TRIOBP: variants seen among roughly 807,000 people sequenced by gnomAD.
TRIOBP encodes TRIO and F-actin binding protein.
A neutral mutation model predicts 238.8 loss-of-function variants in TRIOBP; 169 were observed. That is an observed-to-expected ratio of 0.71 (90% confidence interval 0.62 to 0.80). The LOEUF (loss-of-function observed/expected upper bound fraction) is 0.80, where lower values mean the gene tolerates loss of function less well. Among genes scored for constraint, TRIOBP ranks in the 30% least tolerant of loss-of-function variants. The probability of loss-of-function intolerance (pLI) is 0.00; values close to 1 mark genes in which losing one functional copy is unlikely to be tolerated. For synonymous variants in TRIOBP, 1,150 were observed against 1,274.4 expected (o/e 0.90, Z 2.08); for missense variants, 2,838 against 3,122.6 (o/e 0.91, Z 2.17).
At chr22:37,714,295 T>C (rs1040319328) in intron 5 of TRIOBP, among the ~76,000 whole-genome samples, 1 of 152,174 alleles carries the variant, frequency 6.6e-6, no homozygotes, top group African/African-American at 2.4e-5. Context: ...CTAGGTCCGT[T>C]GAAGATGAGC....
chr22:37,765,240 A>C (rs931929175), intron 17 of TRIOBP, among the ~76,000 whole-genome samples: 1 of 152,208 alleles, frequency 6.6e-6, no homozygotes, highest in African/African-American at 2.4e-5. Flanking sequence ...AGATTGCTCC[A>C]CTGCACTCCA....
At chr22:37,699,089 C>T (rs759707241) in intron 2 of TRIOBP, among the ~76,000 whole-genome samples, 14 of 151,738 alleles carry the variant, frequency 9.2e-5, no homozygotes, top group Admixed American at 2.0e-4. Context: ...TGCAGTGAGC[C>T]GAGTGAGCCA....
chr22:37,736,114 G>A (rs919899824), intron 9 of TRIOBP, among the ~76,000 whole-genome samples: 2 of 152,112 alleles, frequency 1.3e-5, no homozygotes, highest in East Asian at 1.9e-4. Flanking sequence ...GCCCAGCGCC[G>A]GGCACACAGT....
In TRIOBP at chr22:37,710,420, G is replaced by A; in HGVS notation, c.115-7G>A. On this transcript the variant is annotated splice_region_variant and splice_polypyrimidine_tract_variant and intron_variant, in intron 3 of 23. Coordinates refer to ENST00000644935, the MANE Select transcript of TRIOBP (RefSeq NM_001039141.3). Reference sequence around the variant, plus strand: ...TGAGCTGTCTCCTCTCTCCAACCCTGGCCCAGGAGCTCAGGAGCCCTTCAG... The same window carrying A: ...TGAGCTGTCTCCTCTCTCCAACCCTAGCCCAGGAGCTCAGGAGCCCTTCAG... 1 of 1,613,304 alleles carries A rather than the reference G, an allele frequency of 6.2e-7. No homozygotes were observed. The highest frequency in any genetic ancestry group is 8.5e-7 in the Non-Finnish European group (1 of 1,179,992).
intron 7 of TRIOBP, among the ~76,000 whole-genome samples, chr22:37,732,068 G>C (rs554691086): frequency 6.6e-6 from 1 of 152,154 alleles, no homozygotes; most frequent in African/African-American, 2.4e-5. Flanking sequence ...TCAGTTCATC[G>C]ACCAAAGACA....
intron 11 of TRIOBP, among the ~76,000 whole-genome samples, chr22:37,742,258 T>C (rs1249633884): frequency 4.4e-5 from 3 of 67,706 alleles, no homozygotes; most frequent in Non-Finnish European, 6.6e-5. Flanking sequence ...ACGCCAGGCG[T>C]TTTTTTTTTT....
In TRIOBP at chr22:37,723,911, C is replaced by T. The variant is rs776400839; in HGVS notation, c.1355C>T (p.Thr452Ile). The change falls in exon 7 of 24, where the codon ACA (threonine) becomes ATA (isoleucine). Residue 452 changes from threonine to isoleucine, a missense_variant. By Grantham distance (89) the Thr-to-Ile change is moderately conservative (BLOSUM62 -1). Coordinates refer to ENST00000644935, the MANE Select transcript of TRIOBP (RefSeq NM_001039141.3). ...SPSRATRDNP[T>I]TSCAQRDNPR... ...AGTAGAGCTACACGAGACAACCCCA[C>T]AACATCCTGTGCCCAGCGGGACAAT... The T allele has an allele frequency of 1.2e-5, 17 of 1,433,244 alleles. No individual in the cohort carries two copies. The South Asian group carries it at 2.0e-4, about 17-fold the overall frequency. The allele number at this position is 1,433,244 out of a possible 1,614,324, so 88.8% of individuals were successfully genotyped here.
intron 7 of TRIOBP, among the ~76,000 whole-genome samples, chr22:37,728,639 C>T (rs905466317): frequency 6.6e-6 from 1 of 152,114 alleles, no homozygotes; most frequent in South Asian, 2.1e-4. Context: ...ACAGCCTCTC[C>T]CACTACCAAT....
chr22:37,745,923 C>T (rs1415764352), intron 11 of TRIOBP, among the ~76,000 whole-genome samples: 4 of 152,082 alleles, frequency 2.6e-5, no homozygotes, highest in African/African-American at 9.7e-5. Flanking sequence ...CCTCCGCCCC[C>T]GCGCCATTGC....
chr22:37,725,906 G>C lies in TRIOBP; in HGVS notation c.3350G>C (p.Arg1117Pro). ...CCTGCACCTGTGTGTATTGGGTACC[G>C]AGATGCACCCCGGGCCTCCTCCCCA... is the stretch of plus-strand genomic sequence containing the variant. ...QLPAPVCIGY[R>P]DAPRASSPPR... The change falls in exon 7 of 24, where the codon CGA becomes CCA. Residue 1117 changes from arginine to proline, a missense_variant. Around this residue, in one of 5 missense-constraint regions of TRIOBP, gnomAD observed 2,096 missense variants for 2,137.4 expected, o/e 0.98. Transcript: ENST00000644935. 6.2e-7 allele frequency: 1 copy of C among 1,612,990 alleles called. No homozygotes were observed. Among genetic ancestry groups the C allele is most frequent in the South Asian group, 1.1e-5 (1 of 91,022 alleles).
intron 9 of TRIOBP, among the ~76,000 whole-genome samples, chr22:37,737,308 A>G (rs571425419): frequency 5.3e-5 from 8 of 152,226 alleles, no homozygotes; most frequent in African/African-American, 1.9e-4. Flanking sequence ...TTCACAGATG[A>G]CAAAACGAGT....
chr22:37,757,131 G>T (rs376491283), intron 15 of TRIOBP, among the ~76,000 whole-genome samples: 25 of 152,166 alleles, frequency 1.6e-4, no homozygotes, highest in African/African-American at 5.8e-4. Context: ...GGAGGCTGAG[G>T]TGGGAGGAGC....
chr22:37,710,595 G>T (rs758178961), intron 4 of TRIOBP, 29 bp downstream of exon 4: 1 of 1,598,814 alleles, frequency 6.3e-7, no homozygotes, highest in East Asian at 2.2e-5. Flanking sequence ...CCCAGGAAGG[G>T]CTTCATGGGG....
chr22:37,758,837 A>G (rs527249798), intron 16 of TRIOBP, among the ~76,000 whole-genome samples: 1 of 152,250 alleles, frequency 6.6e-6, no homozygotes, highest in African/African-American at 2.4e-5. Flanking sequence ...CTGAGGCTCA[A>G]AGATGTTTCC....
chr22:37,759,400 A>G (rs1926122857), intron 17 of TRIOBP, 136 bp downstream of exon 17: 1 of 1,272,168 alleles, frequency 7.9e-7, no homozygotes, highest in Non-Finnish European at 1.2e-6. Flanking sequence ...GCGTCATCTC[A>G]TTTACTCTCC....
chr22:37,698,849 C>G (rs1922493984), intron 2 of TRIOBP, among the ~76,000 whole-genome samples: 2 of 151,686 alleles, frequency 1.3e-5, no homozygotes, highest in Admixed American at 1.3e-4. Flanking sequence ...CCCCACCTCC[C>G]CAAAAAAGAC....
intron 19 of TRIOBP, 150 bp downstream of exon 19, chr22:37,768,326 C>G: frequency 1.4e-6 from 1 of 719,894 alleles, no homozygotes. Context: ...GCAGAAGGTC[C>G]TCAGGCAGAC....
chr22:37,704,446 A>ACAGAACAGAACAGAACAG (rs1569031527), intron 3 of TRIOBP, among the ~76,000 whole-genome samples: 21 of 82,596 alleles, frequency 2.5e-4, no homozygotes, highest in Admixed American at 6.4e-4. Context: ...ACAGTACAGA[A>ACAGAACAGAACAGAACAG]AACAGGGAGA....
At position 37,775,199 on chromosome 22, in the gene TRIOBP, A is replaced by G. The variant is rs183719668; in HGVS notation, c.*1419A>G. On this transcript the variant is annotated 3_prime_UTR_variant, in exon 24 of 24. Coordinates refer to ENST00000644935, the MANE Select transcript of TRIOBP (RefSeq NM_001039141.3). ...GGAGACCCTGACCCAGCCTGCAGGT[A>G]GAAGACTGCCTTTGGAGGCAGCTTT... 2.6e-5 allele frequency: 4 copies of G among 152,344 alleles called. No individual in the cohort carries two copies. Among genetic ancestry groups the G allele is most frequent in the Admixed American group, 1.3e-4 (2 of 15,308 alleles). The allele number at this position is 152,344 out of a possible 1,614,324, so 9.4% of individuals were successfully genotyped here. A position where few individuals can be genotyped will look rare whatever the true frequency, so the allele number is the denominator to read the frequency against.
Sources: gnomAD v4.1 joint callset for allele counts (sites outside exome capture counted in the v4.1 genomes callset) on GRCh38, gnomAD v4.1.1 for gene constraint, gnomAD v4.1.1 regional missense constraint, MANE v1.5 for transcripts, NCBI Gene and HGNC (gene_info 2026-07-23, HGNC 2026-07-21) for gene names.